The following MYOM1 variants were observed in gnomAD, a reference collection of about 807,000 sequenced individuals.
MYOM1 encodes myomesin-1.
In MYOM1, 164 loss-of-function variants were observed where a neutral mutation model predicts 205.3. The observed-to-expected ratio is 0.80, with a 90% CI of 0.70 to 0.91. The LOEUF (loss-of-function observed/expected upper bound fraction) is 0.91, where lower values mean the gene tolerates loss of function less well. Among genes scored for constraint, MYOM1 ranks in the 40% least tolerant of loss-of-function variants. The pLI is 0.00. For missense variants in MYOM1, 2,011 were observed against 2,127.3 expected (o/e 0.95, Z 1.08); for synonymous variants, 772 against 789.4 (o/e 0.98, Z 0.37).
intron 34 of MYOM1, among the ~76,000 whole-genome samples, chr18:3,077,059 C>A (rs1490053522): frequency 6.6e-6 from 1 of 151,076 alleles, no homozygotes; most frequent in Non-Finnish European, 1.5e-5. Flanking sequence ...GTTGCCCAGG[C>A]TGGAGTGCAG....
intron 22 of MYOM1, among the ~76,000 whole-genome samples, chr18:3,106,484 G>T (rs1020758123): frequency 7.2e-5 from 11 of 152,158 alleles, no homozygotes; most frequent in Admixed American, 2.6e-4. Context: ...TTTTAGAAAA[G>T]AATGTGGAAA....
chr18:3,073,479 A>G (rs2078984803), intron 36 of MYOM1, among the ~76,000 whole-genome samples: 1 of 152,198 alleles, frequency 6.6e-6, no homozygotes, highest in Non-Finnish European at 1.5e-5. Context: ...TTTTGGTGAA[A>G]CATGACAGCA....
chr18:3,190,601 T>A (rs1255336886), intron 3 of MYOM1: 1 of 152,222 alleles, frequency 6.6e-6, no homozygotes, highest in African/African-American at 2.4e-5. Flanking sequence ...TGTCCATTAT[T>A]ATTTGGGGGG....
chr18:3,193,696 A>G, intron 3 of MYOM1, 122 bp downstream of exon 3: 1 of 1,040,020 alleles, frequency 9.6e-7, no homozygotes, highest in Non-Finnish European at 1.3e-6. Flanking sequence ...ACAAGTGCTC[A>G]ATAAATGTTA....
chr18:3,186,044 A>T (rs1018212882), intron 5 of MYOM1, among the ~76,000 whole-genome samples: 1 of 152,080 alleles, frequency 6.6e-6, no homozygotes, highest in Non-Finnish European at 1.5e-5. Context: ...GAAAATACAA[A>T]AATCAGCCAG....
At chr18:3,138,056 T>C (rs2079995363) in intron 14 of MYOM1, among the ~76,000 whole-genome samples, 1 of 152,212 alleles carries the variant, frequency 6.6e-6, no homozygotes, top group South Asian at 2.1e-4. Context: ...TAAAATGATT[T>C]AGAGTGACTT....
At chr18:3,149,351 T>C (rs2080183756) in intron 12 of MYOM1, 150 bp from the exon 13 acceptor site, 3 of 616,714 alleles carry the variant, frequency 4.9e-6, no homozygotes, top group East Asian at 2.8e-5. Flanking sequence ...ATCAATCATG[T>C]AGAGGGCACT....
At position 3,079,195 on chromosome 18, in the gene MYOM1, C is replaced by T. The variant is rs2079055496; in HGVS notation, c.4632G>A (p.Val1544=). ...FDGKTGHQKT[V]DLSGQAYDEA... ...TCTGTTTACCTTGTCCAGAGAGATC[C>T]ACTGTCTTCTGATGTCCAGTTTTGC... Residue 1544 remains valine, a synonymous_variant, in exon 34 of 38, where the codon GTG becomes GTA. Transcript: ENST00000356443. 6.2e-7 allele frequency: 1 copy of T among 1,613,784 alleles called. No individual in the cohort carries two copies. The highest frequency in any genetic ancestry group is 8.5e-7 in the Non-Finnish European group (1 of 1,179,848).
At chr18:3,203,443 GA>G (rs1333069505) in intron 2 of MYOM1, among the ~76,000 whole-genome samples, 1 of 151,472 alleles carries the variant, frequency 6.6e-6, no homozygotes, top group African/African-American at 2.4e-5. Context: ...AATGAAAGAG[GA>G]GACATCACTA....
At chr18:3,159,972 TTC>T (rs149059935) in intron 10 of MYOM1, among the ~76,000 whole-genome samples, 5 of 141,682 alleles carry the variant, frequency 3.5e-5, no homozygotes, top group Non-Finnish European at 7.8e-5. Context: ...CCTGCCTTCC[TTC>T]TCTCTCTCCC....
intron 16 of MYOM1, 33 bp downstream of exon 16, chr18:3,134,617 C>A: frequency 1.9e-6 from 3 of 1,576,712 alleles, no homozygotes; most frequent in Non-Finnish European, 2.6e-6. Context: ...GCTCCAGAGG[C>A]CATTGCCCGC....
At chr18:3,227,445 T>C in the MYOM1 span, among the ~76,000 whole-genome samples, 21 of 152,292 alleles carry the variant, frequency 1.4e-4, no homozygotes, top group Middle Eastern at 3.4e-3. Context: ...AGAACAGTGG[T>C]TGCCAGGGGC....
intron 10 of MYOM1, among the ~76,000 whole-genome samples, chr18:3,159,675 T>A (rs1252220187): frequency 6.6e-6 from 1 of 152,136 alleles, no homozygotes; most frequent in Non-Finnish European, 1.5e-5. Context: ...AGGAACAATA[T>A]GTCTTACAAC....
chr18:3,129,756 A>G lies in MYOM1; in HGVS notation c.2507-237T>C, dbSNP rs945374033. ...GAAAAAGAAGAAATGAGAACAAAGAAGCCAAAGATAGAATAGGAACCATTT... is the reference window on the plus strand; with the variant it reads ...GAAAAAGAAGAAATGAGAACAAAGAGGCCAAAGATAGAATAGGAACCATTT... On this transcript the variant is annotated intron_variant, in intron 17 of 37. Transcript: ENST00000356443. 3.9e-5 allele frequency among the ~76,000 whole-genome samples: 6 copies of G among 152,342 alleles called. No individual in the cohort carries two copies. In the South Asian group the frequency reaches 1.2e-3, roughly 32 times the overall value.
At chr18:3,075,400 CT>C (rs1391461563) in intron 36 of MYOM1, 53 bp downstream of exon 36, 10 of 1,530,736 alleles carry the variant, frequency 6.5e-6, no homozygotes, top group Non-Finnish European at 9.0e-6. Flanking sequence ...ATAAAATTAT[CT>C]TTTGAATCTA....
intron 20 of MYOM1, among the ~76,000 whole-genome samples, chr18:3,119,001 G>A (rs550018273): frequency 5.9e-5 from 9 of 152,208 alleles, no homozygotes; most frequent in Non-Finnish European, 1.0e-4. Context: ...ATCACCCCCC[G>A]CATACCTTAC....
intron 10 of MYOM1, among the ~76,000 whole-genome samples, chr18:3,157,193 G>C (rs762625195): frequency 1.3e-5 from 2 of 152,188 alleles, no homozygotes; most frequent in African/African-American, 2.4e-5. Context: ...CACGATGGCA[G>C]GAATACGCTG....
chr18:3,160,089 TTCTTCTCCTCCTC>T (rs1598733316), intron 10 of MYOM1, among the ~76,000 whole-genome samples: 2 of 115,964 alleles, frequency 1.7e-5, no homozygotes, highest in East Asian at 5.8e-4. Flanking sequence ...CTCCTCCTCC[TTCTTCTCCTCCTC>T]CTTCTTCTTC....
intron 25 of MYOM1, among the ~76,000 whole-genome samples, chr18:3,098,922 C>A (rs7505150): frequency 0.78 from 117,911 of 152,134 alleles, 46,134 homozygotes; most frequent in Admixed American, 0.86. Context: ...TCTCATGGGC[C>A]CTCCACTCTG....
Sources: allele counts gnomAD v4.1 joint callset (sites outside exome capture counted in the v4.1 genomes callset), GRCh38; gene constraint gnomAD v4.1.1; transcripts MANE v1.5; gene names NCBI Gene and HGNC (gene_info 2026-07-23, HGNC 2026-07-21).